Variants in TBC1D5 observed in about 807,000 individuals in gnomAD.
TBC1D5 encodes TBC1 domain family member 5.
Under a neutral mutation model 100.3 loss-of-function variants are expected in TBC1D5, and 75 were observed. The ratio of observed to expected loss-of-function variants is 0.75; its 90% CI spans 0.62 to 0.91. The LOEUF (loss-of-function observed/expected upper bound fraction) is 0.91, where lower values mean the gene tolerates loss of function less well. Among genes scored for constraint, TBC1D5 ranks in the 40% least tolerant of loss-of-function variants. The pLI is 0.00. For synonymous variants in TBC1D5, 323 were observed against 325.6 expected (o/e 0.99, Z 0.09); for missense variants, 910 against 942.4 (o/e 0.97, Z 0.45).
At chr3:17,310,444 A>G (rs920802410) in intron 13 of TBC1D5, among the ~76,000 whole-genome samples, 3 of 152,098 alleles carry the variant, frequency 2.0e-5, no homozygotes, top group Non-Finnish European at 4.4e-5. Flanking sequence ...ACTGCTATAT[A>G]ATTCCAGGGC....
intron 3 of TBC1D5, among the ~76,000 whole-genome samples, chr3:17,485,127 A>C (rs1409033568): frequency 6.6e-6 from 1 of 152,124 alleles, no homozygotes; most frequent in Non-Finnish European, 1.5e-5. Context: ...ATGACTATTT[A>C]GGATTTACCT....
At chr3:17,387,211 C>CA (rs1159401978) in intron 8 of TBC1D5, among the ~76,000 whole-genome samples, 1 of 152,048 alleles carries the variant, frequency 6.6e-6, no homozygotes, top group Non-Finnish European at 1.5e-5. Context: ...AACTGAAAAT[C>CA]AGAGTTTTGT....
intron 3 of TBC1D5, among the ~76,000 whole-genome samples, chr3:17,451,825 C>T (rs1226565496): frequency 2.6e-5 from 4 of 152,040 alleles, no homozygotes; most frequent in Non-Finnish European, 5.9e-5. Flanking sequence ...AGGGCTGAGG[C>T]AGGAGAATCG....
chr3:17,364,734 A>G (rs1160342314), intron 13 of TBC1D5, among the ~76,000 whole-genome samples: 2 of 152,136 alleles, frequency 1.3e-5, no homozygotes, highest in Admixed American at 1.3e-4. Flanking sequence ...ATCATCTATT[A>G]TGCTTCCTTT....
At chr3:17,427,003 A>G (rs1420470324) in intron 4 of TBC1D5, among the ~76,000 whole-genome samples, 2 of 151,978 alleles carry the variant, frequency 1.3e-5, no homozygotes, top group Non-Finnish European at 2.9e-5. Flanking sequence ...TTATTTAACT[A>G]TCTTTCATAT....
intron 19 of TBC1D5, among the ~76,000 whole-genome samples, chr3:17,171,167 G>A (rs1180878746): frequency 6.6e-6 from 1 of 152,134 alleles, no homozygotes; most frequent in African/African-American, 2.4e-5. Context: ...TTGAGAAGGA[G>A]TGGTGGTGAA....
chr3:17,534,728 T>C (rs192051619), intron 2 of TBC1D5, among the ~76,000 whole-genome samples: 3 of 152,328 alleles, frequency 2.0e-5, no homozygotes, highest in African/African-American at 7.2e-5. Flanking sequence ...CTATTTCCCA[T>C]GTAGGAATCA....
rs542978418 is a variant in TBC1D5, at chr3:17,375,793, G to T, written c.701+732C>A. On this transcript the variant is annotated intron_variant, in intron 10 of 21. Coordinates refer to ENST00000253692, the Ensembl canonical transcript of TBC1D5. The stretch of plus-strand genomic sequence containing the variant: ...GAATATATGCTCAGCAAAGTGGATG[G>T]CTATATTTGATTAATAAAGATCTTA... Among the ~76,000 whole-genome samples, 4 of 152,202 alleles carry T rather than the reference G, an allele frequency of 2.6e-5. No homozygotes were observed. In the South Asian group the frequency reaches 8.3e-4, roughly 32 times the overall value.
intron 15 of TBC1D5, among the ~76,000 whole-genome samples, chr3:17,286,642 A>G (rs1373404830): frequency 6.6e-6 from 1 of 152,262 alleles, no homozygotes; most frequent in Non-Finnish European, 1.5e-5. Flanking sequence ...TCCAGTCTTC[A>G]TAAGGCATAC....
intron 3 of TBC1D5, among the ~76,000 whole-genome samples, chr3:17,433,039 C>G (rs900367495): frequency 6.8e-6 from 1 of 146,170 alleles, no homozygotes; most frequent in African/African-American, 2.6e-5. Flanking sequence ...CCCCACCCAC[C>G]CCATCCCTGG....
In TBC1D5 at chr3:17,720,871, ACT is replaced by A. The variant is rs2075642234; in HGVS notation, c.-101+18470_-101+18471del. 6.0e-5 allele frequency among the ~76,000 whole-genome samples: 9 copies of A among 150,950 alleles called. No homozygotes were observed. The South Asian group carries it at 1.1e-3, about 18-fold the overall frequency. On this transcript the variant is annotated intron_variant, in intron 1 of 21. Transcript: ENST00000253692. ...TGTTTGTTTTTTGAGATGGAGTCTC[ACT>A]CTGTCATCCAGGCTAGAGTGCAGTG... is the stretch of plus-strand genomic sequence containing the variant.
intron 1 of TBC1D5, among the ~76,000 whole-genome samples, chr3:17,734,621 C>G (rs912075604): frequency 1.3e-5 from 2 of 152,086 alleles, no homozygotes; most frequent in Non-Finnish European, 2.9e-5. Flanking sequence ...ATGTTAAAAC[C>G]TGTAAGAAGG....
intron 3 of TBC1D5, among the ~76,000 whole-genome samples, chr3:17,506,399 T>A (rs888802067): frequency 1.3e-5 from 2 of 152,122 alleles, no homozygotes; most frequent in Non-Finnish European, 2.9e-5. Context: ...TGTGCGTATG[T>A]GTGTTTTGTA....
chr3:17,433,154 A>G (rs1441904422), intron 3 of TBC1D5, among the ~76,000 whole-genome samples: 2 of 152,164 alleles, frequency 1.3e-5, no homozygotes, highest in South Asian at 2.1e-4. Context: ...TTGTGCATAT[A>G]TGTTCTACCC....
intron 2 of TBC1D5, among the ~76,000 whole-genome samples, chr3:17,551,148 A>G (rs2096469246): frequency 6.6e-6 from 1 of 152,130 alleles, no homozygotes; most frequent in African/African-American, 2.4e-5. Flanking sequence ...CCATGGCTAC[A>G]CCATTGCTTT....
intron 13 of TBC1D5, among the ~76,000 whole-genome samples, chr3:17,309,517 AT>A (rs1163361549): frequency 6.6e-6 from 1 of 152,012 alleles, no homozygotes; most frequent in African/African-American, 2.4e-5. Context: ...AAATGTTACA[AT>A]GTCTTTTATA....
At chr3:17,725,062 ATC>A (rs1444053291) in intron 1 of TBC1D5, among the ~76,000 whole-genome samples, 5 of 152,168 alleles carry the variant, frequency 3.3e-5, no homozygotes, top group African/African-American at 4.8e-5. Flanking sequence ...TTGTTTTATA[ATC>A]TCTGTCTGAT....
chr3:17,163,269 C>T (rs1425505566), intron 21 of TBC1D5, among the ~76,000 whole-genome samples: 1 of 131,192 alleles, frequency 7.6e-6, no homozygotes, highest in Non-Finnish European at 1.6e-5. Context: ...CCCCCCCTTC[C>T]TTGCCCCTTT....
At chr3:17,447,674 T>G (rs1414432467) in intron 3 of TBC1D5, among the ~76,000 whole-genome samples, 2 of 152,220 alleles carry the variant, frequency 1.3e-5, no homozygotes, top group African/African-American at 4.8e-5. Context: ...ACAACTTAAT[T>G]CTTATGGTGA....
Sources: allele counts gnomAD v4.1 joint callset (sites outside exome capture counted in the v4.1 genomes callset), GRCh38; gene constraint gnomAD v4.1.1; transcripts MANE v1.5; gene names NCBI Gene and HGNC (gene_info 2026-07-23, HGNC 2026-07-21).